Variants in PTPRD observed in about 807,000 individuals in gnomAD.
PTPRD encodes the protein protein tyrosine phosphatase receptor type D.
Under a neutral mutation model 214.5 loss-of-function variants are expected in PTPRD, and 34 were observed. That is an observed-to-expected ratio of 0.16 (90% CI 0.12 to 0.21). PTPRD has a LOEUF of 0.21. Among genes scored for constraint, PTPRD ranks in the 10% least tolerant of loss-of-function variants. The probability of loss-of-function intolerance (pLI) is 1.00; values close to 1 mark genes in which losing one functional copy is unlikely to be tolerated. For synonymous variants in PTPRD, 1,128 were observed against 845.7 expected, an observed-to-expected ratio of 1.33 and a Z score of -5.79; for missense variants, 2,545 against 2,398.7, an observed-to-expected ratio of 1.06 and a Z score of -1.27.
At chr9:9,577,568 A>T (rs942767516) in intron 7 of PTPRD, among the ~76,000 whole-genome samples, 5 of 152,098 alleles carry the variant, frequency 3.3e-5, no homozygotes, top group Non-Finnish European at 7.4e-5. Context: ...GTCTCAAAAA[A>T]TAAATAAATA....
At chr9:8,785,343 G>A (rs2095898945) in intron 11 of PTPRD, among the ~76,000 whole-genome samples, 1 of 152,210 alleles carries the variant, frequency 6.6e-6, no homozygotes, top group Non-Finnish European at 1.5e-5. Context: ...GTTTTAATCT[G>A]GCTGGAGTAG....
At chr9:8,837,022 C>A (rs1288428904) in intron 11 of PTPRD, among the ~76,000 whole-genome samples, 1 of 146,768 alleles carries the variant, frequency 6.8e-6, no homozygotes, top group Non-Finnish European at 1.5e-5. Context: ...CCACCACACC[C>A]AGCTTTTTTT....
At chr9:9,115,865 A>G (rs1402671674) in intron 10 of PTPRD, among the ~76,000 whole-genome samples, 2 of 152,168 alleles carry the variant, frequency 1.3e-5, no homozygotes, top group South Asian at 2.1e-4. Context: ...AAATGTATAT[A>G]CCCATCATGG....
At chr9:9,381,063 C>T (rs541140822) in intron 9 of PTPRD, among the ~76,000 whole-genome samples, 17 of 152,040 alleles carry the variant, frequency 1.1e-4, no homozygotes, top group East Asian at 3.9e-4. Flanking sequence ...TATTTTTAAT[C>T]GATAAATGAT....
intron 10 of PTPRD, among the ~76,000 whole-genome samples, chr9:9,180,636 G>C (rs1194865612): frequency 6.6e-6 from 1 of 151,970 alleles, no homozygotes; most frequent in Non-Finnish European, 1.5e-5. Flanking sequence ...GTGTTAGATG[G>C]CTACATTCAG....
intron 11 of PTPRD, among the ~76,000 whole-genome samples, chr9:8,809,485 G>A (rs896835984): frequency 9.2e-5 from 14 of 152,114 alleles, no homozygotes; most frequent in Admixed American, 9.2e-4. Flanking sequence ...TTCCAAAGAA[G>A]CTGTCTGCTT....
At chr9:10,492,999 T>A (rs1317141973) in intron 2 of PTPRD, among the ~76,000 whole-genome samples, 1 of 152,038 alleles carries the variant, frequency 6.6e-6, no homozygotes, top group South Asian at 2.1e-4. Context: ...CCATTCACAA[T>A]TGCTACAAAT....
intron 27 of PTPRD, among the ~76,000 whole-genome samples, chr9:8,487,191 T>G (rs1469363466): frequency 2.6e-5 from 4 of 152,210 alleles, no homozygotes; most frequent in Non-Finnish European, 2.9e-5. Flanking sequence ...AGGTTCTGCA[T>G]TCTATCAATA....
intron 12 of PTPRD, among the ~76,000 whole-genome samples, chr9:8,669,835 A>G (rs1446716510): frequency 6.6e-6 from 1 of 152,148 alleles, no homozygotes; most frequent in Non-Finnish European, 1.5e-5. Flanking sequence ...AGAGCCTGTG[A>G]AGGTTTGAAG....
chr9:8,348,614 G>C (rs150719112), intron 39 of PTPRD, among the ~76,000 whole-genome samples: 40 of 152,184 alleles, frequency 2.6e-4, no homozygotes, highest in Non-Finnish European at 4.1e-4. Context: ...ATTTCATCTA[G>C]ATATGCTTTA....
At chr9:10,426,711 T>C (rs998397406) in intron 2 of PTPRD, among the ~76,000 whole-genome samples, 3 of 152,094 alleles carry the variant, frequency 2.0e-5, no homozygotes, top group African/African-American at 4.8e-5. Flanking sequence ...CACTTTTGCA[T>C]TTACCTGAAG....
intron 4 of PTPRD, among the ~76,000 whole-genome samples, chr9:10,032,479 C>T (rs1307134155): frequency 6.6e-6 from 1 of 152,154 alleles, no homozygotes; most frequent in Non-Finnish European, 1.5e-5. Context: ...AATTCTTTCA[C>T]TCCCTAAACT....
rs568687202 is a variant in PTPRD, at chr9:9,849,893, C to G, written c.-367-83042G>C. Among the ~76,000 whole-genome samples the G allele has an allele frequency of 6.6e-5, 10 of 152,172 alleles. No individual in the cohort carries two copies. The South Asian group carries it at 2.1e-3, about 32-fold the overall frequency. ...CTTTAGGGATTAACATAGTAAAAGT[C>G]AAGGAAGAGCATGGTCCTACAGCGG... On this transcript the variant is annotated intron_variant, in intron 5 of 45. Transcript: ENST00000381196.
intron 9 of PTPRD, among the ~76,000 whole-genome samples, chr9:9,314,101 T>C (rs1447464295): frequency 6.6e-6 from 1 of 152,136 alleles, no homozygotes. Flanking sequence ...ATTTTCACCA[T>C]TATTTGTTTG....
chr9:10,495,127 G>A (rs1407105501), intron 2 of PTPRD, among the ~76,000 whole-genome samples: 2 of 151,744 alleles, frequency 1.3e-5, no homozygotes, highest in African/African-American at 2.4e-5. Context: ...TAGGAAAGAA[G>A]TTTATTTGTC....
intron 11 of PTPRD, among the ~76,000 whole-genome samples, chr9:8,937,630 A>G (rs184018233): frequency 6.6e-6 from 1 of 152,208 alleles, no homozygotes; most frequent in Non-Finnish European, 1.5e-5. Flanking sequence ...GTTTTTCTCT[A>G]ACCTTGACTT....
chr9:10,560,366 C>T (rs998337075), intron 2 of PTPRD, among the ~76,000 whole-genome samples: 1 of 150,700 alleles, frequency 6.6e-6, no homozygotes, highest in Non-Finnish European at 1.5e-5. Flanking sequence ...AATGATAACA[C>T]ATGGACACAG....
At chr9:8,709,408 G>A (rs1032612492) in intron 12 of PTPRD, among the ~76,000 whole-genome samples, 1 of 151,254 alleles carries the variant, frequency 6.6e-6, no homozygotes, top group Non-Finnish European at 1.5e-5. Flanking sequence ...CCAGCTACTC[G>A]GGAGGCTGAG....
chr9:8,512,043 AAAC>A (rs2097693284), intron 21 of PTPRD, among the ~76,000 whole-genome samples: 1 of 152,136 alleles, frequency 6.6e-6, no homozygotes, highest in South Asian at 2.1e-4. Flanking sequence ...TTGCACTGCT[AAAC>A]AACAGTTTCA....
Sources: gnomAD v4.1 joint callset for allele counts (sites outside exome capture counted in the v4.1 genomes callset) on GRCh38, gnomAD v4.1.1 for gene constraint, MANE v1.5 for transcripts, NCBI Gene and HGNC (gene_info 2026-07-23, HGNC 2026-07-21) for gene names.